RSPO2: variants seen among roughly 807,000 people sequenced by gnomAD.
RSPO2 encodes R-spondin-2.
In RSPO2, 14 loss-of-function variants were observed where a neutral mutation model predicts 30.9. The observed-to-expected ratio is 0.45, with a 90% CI of 0.30 to 0.71. The LOEUF (loss-of-function observed/expected upper bound fraction) is 0.71. Among genes scored for constraint, RSPO2 ranks in the 30% least tolerant of loss-of-function variants. RSPO2 has a pLI of 0.08. For synonymous variants in RSPO2, 107 were observed against 96.4 expected (o/e 1.11, Z -0.64); for missense variants, 264 against 301.9 (o/e 0.87, Z 0.93).
At chr8:108,079,396 G>T (rs779863099) in intron 2 of RSPO2, among the ~76,000 whole-genome samples, 18 of 152,022 alleles carry the variant, frequency 1.2e-4, no homozygotes, top group Admixed American at 1.2e-3. Context: ...CTTATTGTTC[G>T]TGATGATCTC....
intron 5 of RSPO2, among the ~76,000 whole-genome samples, chr8:107,921,574 T>C (rs1164964261): frequency 6.6e-6 from 1 of 151,966 alleles, no homozygotes; most frequent in Non-Finnish European, 1.5e-5. Flanking sequence ...TCCAAAAAAA[T>C]TGAAGAGGAG....
At chr8:108,015,604 A>G (rs1431944932) in intron 2 of RSPO2, among the ~76,000 whole-genome samples, 1 of 152,026 alleles carries the variant, frequency 6.6e-6, no homozygotes, top group Middle Eastern at 3.2e-3. Flanking sequence ...ACCACTCTTG[A>G]TATCTGATCA....
At chr8:108,016,755 T>C (rs1196193567) in intron 2 of RSPO2, among the ~76,000 whole-genome samples, 1 of 152,168 alleles carries the variant, frequency 6.6e-6, no homozygotes, top group Non-Finnish European at 1.5e-5. Flanking sequence ...GGAGCTGTCC[T>C]GGCAATAAGT....
At chr8:107,983,502 G>C in intron 3 of RSPO2, 1 of 1,599,226 alleles carries the variant, frequency 6.3e-7, no homozygotes, top group East Asian at 2.2e-5. Context: ...GTCTGCCTGA[G>C]ATTCAGGGGA....
At position 108,020,235 on chromosome 8, in the gene RSPO2, A is replaced by T. The variant is rs547129123; in HGVS notation, c.95-30991T>A. ...AGCTCTTATCACTCTTCATTCTCCA[A>T]AGTATCTTTCACTCTGTTCTCTCTT... On this transcript the variant is annotated intron_variant, in intron 2 of 5. Coordinates refer to ENST00000276659, the MANE Select transcript of RSPO2 (RefSeq NM_178565.5). 3.3e-5 allele frequency among the ~76,000 whole-genome samples: 5 copies of T among 152,042 alleles called. No homozygotes were observed. The South Asian group carries it at 1.0e-3, about 32-fold the overall frequency.
chr8:108,000,300 T>C (rs1233374144), intron 2 of RSPO2, among the ~76,000 whole-genome samples: 1 of 151,940 alleles, frequency 6.6e-6, no homozygotes, highest in Non-Finnish European at 1.5e-5. Flanking sequence ...ACGGTGGTCA[T>C]CAGAAGAAAA....
intron 4 of RSPO2, 73 bp downstream of exon 4, chr8:107,960,601 A>C: frequency 2.3e-6 from 3 of 1,322,716 alleles, no homozygotes; most frequent in Non-Finnish European, 2.1e-6. Flanking sequence ...AAATATATCC[A>C]GCATGCATAT....
At chr8:107,952,274 A>AAC (rs1335422708) in intron 5 of RSPO2, among the ~76,000 whole-genome samples, 5 of 119,626 alleles carry the variant, frequency 4.2e-5, no homozygotes, top group Middle Eastern at 4.7e-3. Flanking sequence ...AATCACTTAA[A>AAC]ACACACACAC....
chr8:107,950,967 G>A lies in RSPO2; in HGVS notation c.616+7113C>T, dbSNP rs1233716569. Among the ~76,000 whole-genome samples, 4 of 151,994 alleles carry A rather than the reference G, an allele frequency of 2.6e-5. No homozygotes were observed. The South Asian group carries it at 8.3e-4, about 32-fold the overall frequency. Reference sequence around the variant, plus strand: ...GAAGTATTACAGGAAATCTAGATGAGCAAATTGACTGCTCTTTTTATCAAC... The same window carrying A: ...GAAGTATTACAGGAAATCTAGATGAACAAATTGACTGCTCTTTTTATCAAC... On this transcript the variant is annotated intron_variant, in intron 5 of 5. Transcript: ENST00000276659.
intron 2 of RSPO2, among the ~76,000 whole-genome samples, chr8:108,078,468 A>G (rs190285113): frequency 3.2e-3 from 482 of 152,358 alleles, no homozygotes; most frequent in Non-Finnish European, 4.7e-3. Flanking sequence ...AGTATGTTCC[A>G]TGTGTCATTT....
chr8:108,059,102 T>C lies in RSPO2; in HGVS notation c.94+23443A>G, dbSNP rs1000841832. Among the ~76,000 whole-genome samples the C allele has an allele frequency of 5.9e-5, 9 of 151,834 alleles. No homozygotes were observed. The East Asian group carries it at 1.2e-3, about 19-fold the overall frequency. On this transcript the variant is annotated intron_variant, in intron 2 of 5. Transcript: ENST00000276659. ...AGAAAATTTTTGCAACCTACTCATC[T>C]GACAAAGGGCTAATATCCAGAATCT...
intron 2 of RSPO2, among the ~76,000 whole-genome samples, chr8:108,063,878 A>T (rs990792978): frequency 1.3e-5 from 2 of 152,212 alleles, no homozygotes; most frequent in Admixed American, 1.3e-4. Context: ...AATGCCACAC[A>T]TCTGCAACCA....
At chr8:108,076,873 G>A (rs534620927) in intron 2 of RSPO2, among the ~76,000 whole-genome samples, 1 of 152,272 alleles carries the variant, frequency 6.6e-6, no homozygotes, top group East Asian at 1.9e-4. Context: ...TAAAGGTGAA[G>A]AAACACTAGT....
chr8:108,003,237 ATATGTATGTATG>A (rs952971628), intron 2 of RSPO2, among the ~76,000 whole-genome samples: 1 of 47,550 alleles, frequency 2.1e-5, no homozygotes, highest in African/African-American at 8.6e-5. Flanking sequence ...GTGTGTGTAT[ATATGTATGTATG>A]TATGTGTGTG....
chr8:107,913,614 C>A (rs1190891739), intron 5 of RSPO2, among the ~76,000 whole-genome samples: 1 of 152,126 alleles, frequency 6.6e-6, no homozygotes, highest in Non-Finnish European at 1.5e-5. Context: ...TTAGAGACAG[C>A]ACATTTCCAA....
chr8:107,991,056 C>G (rs189518923), intron 2 of RSPO2, among the ~76,000 whole-genome samples: 1 of 152,042 alleles, frequency 6.6e-6, no homozygotes, highest in East Asian at 1.9e-4. Context: ...CACGGAGAAA[C>G]CCTATCTCTA....
At chr8:107,994,258 A>C (rs1333483740) in intron 2 of RSPO2, among the ~76,000 whole-genome samples, 1 of 152,282 alleles carries the variant, frequency 6.6e-6, no homozygotes, top group Non-Finnish European at 1.5e-5. Context: ...TTTACAAGTA[A>C]ATTATATCTC....
At chr8:107,955,780 CT>C (rs1813412460) in intron 5 of RSPO2, among the ~76,000 whole-genome samples, 2 of 152,166 alleles carry the variant, frequency 1.3e-5, no homozygotes, top group African/African-American at 4.8e-5. Flanking sequence ...TTTTAATGTG[CT>C]GCTGCTTTAG....
chr8:108,001,529 C>T (rs1173725500), intron 2 of RSPO2, among the ~76,000 whole-genome samples: 3 of 152,138 alleles, frequency 2.0e-5, no homozygotes, highest in East Asian at 1.9e-4. Flanking sequence ...ACACATGCAT[C>T]GGAAAACTGA....
Sources: gnomAD v4.1 joint callset for allele counts (sites outside exome capture counted in the v4.1 genomes callset) on GRCh38, gnomAD v4.1.1 for gene constraint, MANE v1.5 for transcripts, NCBI Gene and HGNC (gene_info 2026-07-23, HGNC 2026-07-21) for gene names.